The following UNC5A variants were observed in gnomAD, a reference collection of about 807,000 sequenced individuals.
UNC5A encodes the protein unc-5 netrin receptor A.
UNC5A carries 20 observed loss-of-function variants against 87.4 expected under a neutral mutation model. The observed-to-expected ratio is 0.23, with a 90% confidence interval of 0.16 to 0.33. UNC5A has a LOEUF of 0.33. Among genes scored for constraint, UNC5A ranks in the 10% least tolerant of loss-of-function variants. The pLI is 1.00. For synonymous variants in UNC5A, 438 were observed against 482.3 expected (o/e 0.91, Z 1.20); for missense variants, 844 against 1,133.4 (o/e 0.74, Z 3.67).
At chr5:176,879,594 C>T in intron 14 of UNC5A, 106 bp downstream of exon 14, 5 of 1,543,560 alleles carry the variant, frequency 3.2e-6, no homozygotes, top group Non-Finnish European at 4.4e-6. Flanking sequence ...TGTGCCGCAT[C>T]TACTAGTGGC....
intron 1 of UNC5A, among the ~76,000 whole-genome samples, chr5:176,826,842 T>G (rs930006162): frequency 3.4e-4 from 52 of 152,112 alleles, no homozygotes; most frequent in African/African-American, 1.2e-3. Context: ...GATTTCACTG[T>G]GTTTGCCAGG....
In UNC5A at chr5:176,875,287, G is replaced by A. The variant is rs1374871251; in HGVS notation, c.1378+721G>A. Among the ~76,000 whole-genome samples the A allele has an allele frequency of 3.9e-5, 6 of 152,158 alleles. No homozygotes were observed. Among genetic ancestry groups the A allele is most frequent in the Non-Finnish European group, 7.4e-5 (5 of 68,012 alleles). ...GGGCGACAGAACTGTACACCCAGCT[G>A]CCTCCTGGCCAGCTCCATCTGGATG... On this transcript the variant is annotated intron_variant, in intron 8 of 14. Coordinates refer to ENST00000329542, the MANE Select transcript of UNC5A (RefSeq NM_133369.3). This position sits in a 1 kb window ranked among gnomAD's most constrained non-coding sequence, Gnocchi z 5.2.
At chr5:176,831,399 C>T (rs1315558209) in intron 1 of UNC5A, among the ~76,000 whole-genome samples, 2 of 152,120 alleles carry the variant, frequency 1.3e-5, no homozygotes, top group Non-Finnish European at 1.5e-5. Flanking sequence ...CCCTTTTGTT[C>T]ATCACATTTT....
chr5:176,836,722 C>G (rs905181072), intron 1 of UNC5A, among the ~76,000 whole-genome samples: 4 of 152,174 alleles, frequency 2.6e-5, no homozygotes, highest in African/African-American at 9.7e-5. Context: ...GCGAACCGCT[C>G]CCCCAGCCCC....
Position 176,868,929 on chromosome 5 carries a change from G to A in UNC5A, c.686G>A (p.Arg229His), listed in dbSNP as rs746986911. The A allele has an allele frequency of 8.7e-6, 14 of 1,611,560 alleles. No individual in the cohort carries two copies. The highest frequency in any genetic ancestry group is 1.3e-5 in the African/African-American group (1 of 74,912). The change falls in exon 5 of 15, where the codon CGT (arginine) becomes CAT (histidine). Residue 229 changes from arginine to histidine, a missense_variant. Transcript: ENST00000329542. ...TGCGTGGCCAAGAACATCGTGGCAC[G>A]TCGCCGCAGCGCCTCCGCTGCTGTC... ...YTCVAKNIVA[R>H]RRSASAAVIV... is the part of the protein sequence containing the mutation.
rs70991576 is a variant in UNC5A at position 176,829,881 on chromosome 5, C to CTTTTTTTTTTTTTTTTTTTTTTT, written c.70+19072_70+19073insTTTTTTTTTTTTTTTTTTTTTTT. 1.8e-4 allele frequency among the ~76,000 whole-genome samples: 16 copies of CTTTTTTTTTTTTTTTTTTTTTTT among 87,368 alleles called. 1 individual carries two copies. Among genetic ancestry groups the CTTTTTTTTTTTTTTTTTTTTTTT allele is most frequent in the Non-Finnish European group, 2.6e-4 (11 of 41,708 alleles). 57.3% of individuals were successfully genotyped at this position (87,368 alleles called of 152,430 possible). Reference sequence around the variant, plus strand: ...CCCTCTCACTTCCACATCACTGCTCCTTTTTTTTTTTGAGATGGAATCTTG... The same window carrying CTTTTTTTTTTTTTTTTTTTTTTT: ...CCCTCTCACTTCCACATCACTGCTCCTTTTTTTTTTTTTTTTTTTTTTTTTTTTTTTTTTGAGATGGAATCTTG... On this transcript the variant is annotated intron_variant, in intron 1 of 14. Coordinates refer to ENST00000329542, the MANE Select transcript of UNC5A (RefSeq NM_133369.3).
At chr5:176,822,380 C>G (rs1428553000) in intron 1 of UNC5A, among the ~76,000 whole-genome samples, 1 of 152,198 alleles carries the variant, frequency 6.6e-6, no homozygotes, top group Non-Finnish European at 1.5e-5. Context: ...GCAGGATCTT[C>G]GATTGATGAA....
intron 1 of UNC5A, among the ~76,000 whole-genome samples, chr5:176,834,479 C>A (rs1757100723): frequency 1.3e-5 from 2 of 152,088 alleles, no homozygotes; most frequent in Admixed American, 1.3e-4. Flanking sequence ...CCTGTGAGGA[C>A]CCTAAGGGGA....
Position 176,848,277 on chromosome 5 carries a change from C to T in UNC5A, c.71-14347C>T, listed in dbSNP as rs1757462385. Among the ~76,000 whole-genome samples the T allele has an allele frequency of 6.6e-6, 1 of 152,056 alleles. No homozygotes were observed. The highest frequency in any genetic ancestry group is 1.5e-5 in the Non-Finnish European group (1 of 68,014). ...ACCCCAGCTTCTCTCTCCCCTGCTA[C>T]CCCAAAGCACAAGAGGGTGTGCAGG... On this transcript the variant is annotated intron_variant, in intron 1 of 14. Coordinates refer to ENST00000329542, the MANE Select transcript of UNC5A (RefSeq NM_133369.3). This position sits in a 1 kb window ranked among gnomAD's most constrained non-coding sequence, Gnocchi z 5.8.
In UNC5A at chr5:176,868,643, G is replaced by A. The variant is rs779187809; in HGVS notation, c.519G>A (p.Pro173=). 8.0e-5 allele frequency: 129 copies of A among 1,604,538 alleles called. No individual in the cohort carries two copies. Among genetic ancestry groups the A allele is most frequent in the Non-Finnish European group, 9.3e-5 (109 of 1,176,246 alleles). Reference sequence around the variant, plus strand: ...GCATCGTGCTGCCCTGCCGTCCACCGGAGGGCATCCCTCCAGCCGAGGTGA... The same window carrying A: ...GCATCGTGCTGCCCTGCCGTCCACCAGAGGGCATCCCTCCAGCCGAGGTGA... ...EQGIVLPCRP[P]EGIPPAEVEW... Residue 173 remains proline (P), a synonymous_variant, in exon 4 of 15, where the codon CCG becomes CCA. Transcript: ENST00000329542.
intron 6 of UNC5A, among the ~76,000 whole-genome samples, chr5:176,870,886 A>G (rs1213886057): frequency 4.6e-4 from 45 of 96,846 alleles, no homozygotes; most frequent in South Asian, 1.2e-3. Context: ...GCCCACGCTC[A>G]CCCCACACCA....
chr5:176,828,469 G>T (rs969089035), intron 1 of UNC5A, among the ~76,000 whole-genome samples: 2 of 152,040 alleles, frequency 1.3e-5, no homozygotes, highest in Non-Finnish European at 2.9e-5. Flanking sequence ...GTAGGAATCA[G>T]GGGACCCAAG....
Position 176,877,315 on chromosome 5 carries a change from G to A in UNC5A, c.1466+36G>A, listed in dbSNP as rs780117947. The A allele has an allele frequency of 2.5e-6, 4 of 1,573,672 alleles. No individual in the cohort carries two copies. In the South Asian group the frequency reaches 4.5e-5, roughly 18 times the overall value. On this transcript the variant is annotated intron_variant, in intron 9 of 14. Coordinates refer to ENST00000329542, the MANE Select transcript of UNC5A (RefSeq NM_133369.3). ...GGGCCCTGTTGCCGGGGGTGGGAGG[G>A]ACCTGCCTGCTGCCTTCGGTCCCCA...
At position 176,874,372 on chromosome 5, in the gene UNC5A, C is replaced by A; in HGVS notation, c.1184C>A (p.Thr395Asn). The part of the protein sequence containing the change: ...QDGPSPKFQL[T>N]NGHLLSPLGG... ...GGGCCCAGCCCCAAGTTCCAGCTCA[C>A]CAATGGGCACCTGCTCAGCCCCCTG... is the stretch of plus-strand genomic sequence containing the variant. The change falls in exon 8 of 15, where the codon ACC (threonine) becomes AAC (asparagine). Residue 395 changes from threonine (T) to asparagine (N), a missense_variant. Thr to Asn is a moderately conservative substitution (Grantham distance 65). Around this residue, in one of 3 missense-constraint regions of UNC5A, gnomAD observed 353 missense variants for 387.5 expected, o/e 0.91. Transcript: ENST00000329542. The surrounding 1 kb of genome is among the most constrained non-coding windows in gnomAD (Gnocchi z 7.6). 1 of 1,613,842 alleles carries A rather than the reference C, an allele frequency of 6.2e-7. No individual in the cohort carries two copies. The highest frequency in any genetic ancestry group is 8.5e-7 in the Non-Finnish European group (1 of 1,179,974).
At chr5:176,812,704 C>T (rs1005049657) in intron 1 of UNC5A, among the ~76,000 whole-genome samples, 1 of 152,104 alleles carries the variant, frequency 6.6e-6, no homozygotes, top group Non-Finnish European at 1.5e-5. Flanking sequence ...CCCAGGGAGT[C>T]GGCAGGTGGG....
chr5:176,811,961 G>A (rs779015048), intron 1 of UNC5A, among the ~76,000 whole-genome samples: 6 of 152,174 alleles, frequency 3.9e-5, no homozygotes, highest in Non-Finnish European at 7.4e-5. Flanking sequence ...TGATGATTGA[G>A]GCCGATGGCT....
chr5:176,869,570 G>C lies in UNC5A; in HGVS notation c.721+606G>C, dbSNP rs1324910673. The C allele has an allele frequency of 5.9e-6, 4 of 678,544 alleles. No individual in the cohort carries two copies. Among genetic ancestry groups the C allele is most frequent in the Non-Finnish European group, 1.1e-5 (4 of 371,030 alleles). 42.0% of individuals were successfully genotyped at this position (678,544 alleles called of 1,614,324 possible). A position where few individuals can be genotyped will look rare whatever the true frequency, so the allele number is the denominator to read the frequency against. ...CCGTCCCCTGGGCCAGTGTATCTGAGGACGCCCCCGCTCCCTGACCCCAGT... is the reference window on the plus strand; with the variant it reads ...CCGTCCCCTGGGCCAGTGTATCTGACGACGCCCCCGCTCCCTGACCCCAGT... On this transcript the variant is annotated intron_variant, in intron 5 of 14. Coordinates refer to ENST00000329542, the MANE Select transcript of UNC5A (RefSeq NM_133369.3). This position sits in a 1 kb window ranked among gnomAD's most constrained non-coding sequence, Gnocchi z 9.1.
chr5:176,879,006 A>C (rs955821333), intron 13 of UNC5A, among the ~76,000 whole-genome samples: 4 of 152,062 alleles, frequency 2.6e-5, no homozygotes, highest in African/African-American at 9.7e-5. Flanking sequence ...TCAGGCCGTG[A>C]AGAGAGCTGT....
chr5:176,820,945 A>T (rs1756712039), intron 1 of UNC5A, among the ~76,000 whole-genome samples: 1 of 152,172 alleles, frequency 6.6e-6, no homozygotes, highest in South Asian at 2.1e-4. Context: ...GTCTTCCGCC[A>T]GTGCTTCTTC....
Sources: allele counts gnomAD v4.1 joint callset (sites outside exome capture counted in the v4.1 genomes callset), GRCh38; gene constraint gnomAD v4.1.1; regional missense constraint gnomAD v4.1.1; non-coding constraint Gnocchi (gnomAD v3.1); transcripts MANE v1.5; gene names NCBI Gene and HGNC (gene_info 2026-07-23, HGNC 2026-07-21).